Variants in CCSER1 observed in about 807,000 individuals in gnomAD.
CCSER1 encodes serine-rich coiled-coil domain-containing protein 1.
A neutral mutation model predicts 82.0 loss-of-function variants in CCSER1; 41 were observed. That is an observed-to-expected ratio of 0.50 (90% CI 0.39 to 0.65). The LOEUF is 0.65. CCSER1 is among the 30% of genes least tolerant of loss of function. The probability of loss-of-function intolerance (pLI) is 0.00; values close to 1 mark genes in which losing one functional copy is unlikely to be tolerated. For synonymous variants in CCSER1, 414 were observed against 383.9 expected, an observed-to-expected ratio of 1.08 and a Z score of -0.92; for missense variants, 1,119 against 1,064.2, an observed-to-expected ratio of 1.05 and a Z score of -0.72.
intron 10 of CCSER1, among the ~76,000 whole-genome samples, chr4:91,254,450 A>G (rs1740516173): frequency 6.6e-6 from 1 of 152,192 alleles, no homozygotes; most frequent in Admixed American, 6.5e-5. Context: ...CAATCATAAA[A>G]TGACAAGTAC....
intron 10 of CCSER1, among the ~76,000 whole-genome samples, chr4:91,104,760 G>T (rs972894474): frequency 7.9e-5 from 12 of 152,068 alleles, no homozygotes; most frequent in African/African-American, 2.7e-4. Flanking sequence ...TCCCTTCTTG[G>T]CTTGCAGATG....
chr4:90,269,081 A>G (rs1725770744), intron 1 of CCSER1, among the ~76,000 whole-genome samples: 1 of 152,120 alleles, frequency 6.6e-6, no homozygotes, highest in South Asian at 2.1e-4. Flanking sequence ...GAGGTAGATC[A>G]ATACAATAGC....
rs936074765 is a variant in CCSER1 at position 90,391,395 on chromosome 4, G to T, written c.1510-8641G>T. On this transcript the variant is annotated intron_variant, in intron 3 of 10. Transcript: ENST00000509176. ...CCTGATGTGATTATTACACATTGTA[G>T]GCTTGTATCAAAATATCTCATGTAC... Among the ~76,000 whole-genome samples the T allele has an allele frequency of 2.2e-5, 3 of 135,100 alleles. No homozygotes were observed. In the East Asian group the frequency reaches 6.5e-4, roughly 29 times the overall value. The allele number at this position is 135,100 out of a possible 152,430, so 88.6% of individuals were successfully genotyped here.
chr4:90,720,752 A>G (rs768120945), intron 6 of CCSER1, among the ~76,000 whole-genome samples: 15 of 152,022 alleles, frequency 9.9e-5, no homozygotes, highest in Non-Finnish European at 2.2e-4. Context: ...AGATAATACT[A>G]TGTTTCCCAA....
intron 3 of CCSER1, 117 bp from the exon 4 acceptor site, chr4:90,399,919 G>A (rs1458487703): frequency 1.8e-6 from 1 of 544,082 alleles, no homozygotes; most frequent in Non-Finnish European, 3.3e-6. Flanking sequence ...CTGAGACTCA[G>A]TTAAAACTTT....
intron 9 of CCSER1, among the ~76,000 whole-genome samples, chr4:91,077,941 G>A (rs568024878): frequency 2.6e-5 from 4 of 152,356 alleles, no homozygotes; most frequent in African/African-American, 7.2e-5. Flanking sequence ...AAAGCAGCCA[G>A]GGAAGCTCGA....
intron 10 of CCSER1, among the ~76,000 whole-genome samples, chr4:91,439,528 C>T (rs867172878): frequency 3.0e-4 from 45 of 152,038 alleles, no homozygotes; most frequent in South Asian, 1.0e-3. Flanking sequence ...TGCAAAATCA[C>T]GCCAAATTGT....
intron 10 of CCSER1, among the ~76,000 whole-genome samples, chr4:91,360,947 A>T (rs956537796): frequency 6.6e-6 from 1 of 151,860 alleles, no homozygotes; most frequent in Non-Finnish European, 1.5e-5. Context: ...TAGACAGTGT[A>T]GTTATGTGAA....
chr4:91,572,332 T>G (rs1763224869), intron 10 of CCSER1, among the ~76,000 whole-genome samples: 1 of 151,970 alleles, frequency 6.6e-6, no homozygotes, highest in Non-Finnish European at 1.5e-5. Context: ...GGCCTGTTGC[T>G]GACCAAAAGA....
chr4:90,462,224 G>T (rs982871400), intron 4 of CCSER1, among the ~76,000 whole-genome samples: 2 of 150,320 alleles, frequency 1.3e-5, no homozygotes, highest in South Asian at 4.1e-4. Flanking sequence ...AAACAGACCA[G>T]TAAAAGATAT....
intron 5 of CCSER1, among the ~76,000 whole-genome samples, chr4:90,536,669 C>G (rs1293994442): frequency 6.6e-6 from 1 of 152,214 alleles, no homozygotes; most frequent in Non-Finnish European, 1.5e-5. Context: ...AGACCTGGGT[C>G]TAATTACCCT....
intron 10 of CCSER1, among the ~76,000 whole-genome samples, chr4:91,378,099 A>T (rs1009174359): frequency 6.6e-6 from 1 of 152,042 alleles, no homozygotes; most frequent in African/African-American, 2.4e-5. Flanking sequence ...GTTCTGTTCC[A>T]TTGGTCTATA....
At chr4:91,142,674 G>A (rs931418457) in intron 10 of CCSER1, among the ~76,000 whole-genome samples, 1 of 152,030 alleles carries the variant, frequency 6.6e-6, no homozygotes, top group Admixed American at 6.6e-5. Flanking sequence ...AAAAGTAGGA[G>A]TTTAGTTTCT....
rs183597737 is a variant in CCSER1, at chr4:90,745,750, C to G, written c.2010+21759C>G. The stretch of plus-strand genomic sequence containing the variant: ...TGCCACCCAGGCTGGAGTGCGGTGG[C>G]GTGATCTCGGCTCACTGCAAGCTCC... On this transcript the variant is annotated intron_variant, in intron 7 of 10. Transcript: ENST00000509176. Among the ~76,000 whole-genome samples, 771 of 126,542 alleles carry G rather than the reference C, an allele frequency of 6.1e-3. 6 individuals are homozygous for G. Among genetic ancestry groups the G allele is most frequent in the African/African-American group, 0.023 (741 of 32,678 alleles). The allele number at this position is 126,542 out of a possible 152,430, so 83.0% of individuals were successfully genotyped here.
chr4:90,615,748 C>T (rs1022391700), intron 5 of CCSER1, among the ~76,000 whole-genome samples: 2 of 150,174 alleles, frequency 1.3e-5, no homozygotes, highest in Admixed American at 6.7e-5. Context: ...GAAATTACAA[C>T]AAAAAATTTA....
chr4:91,343,367 T>G (rs1328198549), intron 10 of CCSER1, among the ~76,000 whole-genome samples: 1 of 152,156 alleles, frequency 6.6e-6, no homozygotes, highest in African/African-American at 2.4e-5. Flanking sequence ...AGCTACATGT[T>G]TTCCCTTTGC....
chr4:90,802,176 C>A (rs1756921999), intron 7 of CCSER1, among the ~76,000 whole-genome samples: 1 of 150,646 alleles, frequency 6.6e-6, no homozygotes. Flanking sequence ...CAAGATCATG[C>A]CATTCCATTC....
chr4:90,933,408 C>T (rs1730508887), intron 9 of CCSER1, among the ~76,000 whole-genome samples: 1 of 151,594 alleles, frequency 6.6e-6, no homozygotes, highest in Admixed American at 6.6e-5. Context: ...AGGATGGTCT[C>T]AATCTCCTGA....
intron 1 of CCSER1, among the ~76,000 whole-genome samples, chr4:90,264,852 A>G (rs374319178): frequency 4.6e-5 from 7 of 152,088 alleles, no homozygotes; most frequent in African/African-American, 1.4e-4. Context: ...CTCTAAGTTG[A>G]TATATTAATT....
Sources: gnomAD v4.1 joint callset for allele counts (sites outside exome capture counted in the v4.1 genomes callset) on GRCh38, gnomAD v4.1.1 for gene constraint, MANE v1.5 for transcripts, NCBI Gene and HGNC (gene_info 2026-07-23, HGNC 2026-07-21) for gene names.